MAP3K13: variants seen among roughly 807,000 people sequenced by gnomAD.
MAP3K13 encodes leucine zipper-bearing kinase.
A neutral mutation model predicts 104.0 loss-of-function variants in MAP3K13; 52 were observed. That is an observed-to-expected ratio of 0.50 (90% confidence interval 0.40 to 0.63). The LOEUF is 0.63. Ranked by LOEUF, MAP3K13 falls within the 20% of genes least tolerant of loss-of-function variation. MAP3K13 has a pLI of 0.00. For synonymous variants in MAP3K13, 394 were observed against 442.2 expected, an observed-to-expected ratio of 0.89 and a Z score of 1.37; for missense variants, 914 against 1,218.5, an observed-to-expected ratio of 0.75 and a Z score of 3.72.
chr3:185,394,359 GTTGA>G (rs573900451), intron 1 of MAP3K13, among the ~76,000 whole-genome samples: 112 of 152,276 alleles, frequency 7.4e-4, no homozygotes, highest in African/African-American at 2.6e-3. Flanking sequence ...AAAGAATGAT[GTTGA>G]TTAAGAAGGT....
chr3:185,419,222 G>A (rs576350476), intron 1 of MAP3K13, among the ~76,000 whole-genome samples: 21 of 152,008 alleles, frequency 1.4e-4, no homozygotes, highest in Non-Finnish European at 2.8e-4. Flanking sequence ...GGCTGGTCTC[G>A]AACTCCTGAC....
At chr3:185,291,022 A>G (rs1317692545) in intron 2 of MAP3K13, among the ~76,000 whole-genome samples, 1 of 152,210 alleles carries the variant, frequency 6.6e-6, no homozygotes, top group African/African-American at 2.4e-5. Flanking sequence ...CTTTTGTTGC[A>G]TCATGCACAT....
At chr3:185,455,667 T>TATATGA (rs1716604937) in intron 7 of MAP3K13, among the ~76,000 whole-genome samples, 8 of 20,222 alleles carry the variant, frequency 4.0e-4, no homozygotes, top group Middle Eastern at 0.071. Context: ...GATATATATA[T>TATATGA]GATATATATA....
chr3:185,454,944 GAT>G (rs1264092556), intron 7 of MAP3K13, among the ~76,000 whole-genome samples: 1 of 41,986 alleles, frequency 2.4e-5, no homozygotes, highest in African/African-American at 9.2e-5. Context: ...ATATATATGA[GAT>G]ATATATGATA....
chr3:185,409,281 T>C (rs1487521663), intron 1 of MAP3K13, among the ~76,000 whole-genome samples: 1 of 152,122 alleles, frequency 6.6e-6, no homozygotes, highest in Non-Finnish European at 1.5e-5. Context: ...GGCAGAAGAA[T>C]TGTTTGAACC....
chr3:185,472,834 C>A (rs759983843), intron 10 of MAP3K13, 141 bp from the exon 11 acceptor site: 12 of 768,050 alleles, frequency 1.6e-5, no homozygotes, highest in Middle Eastern at 5.5e-4. Flanking sequence ...ATTTTGAAGA[C>A]CCCTCATACG....
chr3:185,478,701 G>A (rs763986634), intron 12 of MAP3K13, among the ~76,000 whole-genome samples: 7 of 151,878 alleles, frequency 4.6e-5, no homozygotes, highest in East Asian at 1.9e-4. Flanking sequence ...GCGAAACCCC[G>A]TCTCTACTAA....
chr3:185,480,318 C>A lies in MAP3K13; in HGVS notation c.2588C>A (p.Thr863Asn). 5 of 1,614,180 alleles carry A rather than the reference C, an allele frequency of 3.1e-6. No individual in the cohort carries two copies. Among genetic ancestry groups the A allele is most frequent in the Non-Finnish European group, 4.2e-6 (5 of 1,180,036 alleles). The change falls in exon 13 of 14, where the codon ACC becomes AAC. Residue 863 changes from threonine (T) to asparagine (N), a missense_variant. Physicochemically the swap from Thr to Asn is moderately conservative, Grantham distance 65. Coordinates refer to ENST00000265026, the MANE Select transcript of MAP3K13 (RefSeq NM_004721.5). ...GTGTCTGATGGAGAAGAGGGAAATA[C>A]CAGTGACCACTCAAACAGTCCTGAT... is the stretch of plus-strand genomic sequence containing the variant. ...FSVSDGEEGN[T>N]SDHSNSPDEL...
At chr3:185,371,956 G>T (rs937829158) in intron 1 of MAP3K13, among the ~76,000 whole-genome samples, 1 of 152,134 alleles carries the variant, frequency 6.6e-6, no homozygotes, top group African/African-American at 2.4e-5. Context: ...CTGCAGGCTT[G>T]GATAACCATG....
intron 7 of MAP3K13, among the ~76,000 whole-genome samples, chr3:185,456,747 G>A (rs548959732): frequency 4.6e-5 from 7 of 151,834 alleles, no homozygotes; most frequent in African/African-American, 9.7e-5. Context: ...GACTACAGGC[G>A]TGTGCCACCA....
At chr3:185,337,915 T>G (rs1026087739) in intron 2 of MAP3K13, among the ~76,000 whole-genome samples, 1 of 151,926 alleles carries the variant, frequency 6.6e-6, no homozygotes, top group African/African-American at 2.4e-5. Flanking sequence ...TAACACAAAC[T>G]AGGAAACAAG....
intron 2 of MAP3K13, chr3:185,291,626 G>C (rs926311256): frequency 7.2e-6 from 11 of 1,527,946 alleles, no homozygotes; most frequent in Non-Finnish European, 9.6e-6. Context: ...CAAGTACCAC[G>C]TTTTTGAAGA....
intron 2 of MAP3K13, among the ~76,000 whole-genome samples, chr3:185,294,358 G>A (rs1720845624): frequency 6.6e-6 from 1 of 152,166 alleles, no homozygotes; most frequent in Non-Finnish European, 1.5e-5. Context: ...ATTCATTGAT[G>A]AAGAACTAAT....
chr3:185,291,563 A>T (rs1408167462), intron 2 of MAP3K13: 1 of 1,476,508 alleles, frequency 6.8e-7, no homozygotes, highest in Non-Finnish European at 8.9e-7. Context: ...CCCTTAAAAA[A>T]ATTATTAGAC....
chr3:185,461,545 CT>C (rs1717102515), intron 7 of MAP3K13, among the ~76,000 whole-genome samples: 1 of 151,932 alleles, frequency 6.6e-6, no homozygotes, highest in African/African-American at 2.4e-5. Flanking sequence ...GAGCTACTGT[CT>C]TTTATTTTAT....
At chr3:185,388,588 T>C (rs1358477035) in intron 1 of MAP3K13, among the ~76,000 whole-genome samples, 1 of 152,152 alleles carries the variant, frequency 6.6e-6, no homozygotes, top group East Asian at 1.9e-4. Flanking sequence ...GAATTAATAT[T>C]GTTAAAAATG....
In MAP3K13 at chr3:185,425,520, T is replaced by A. The variant is rs556651231; in HGVS notation, c.-85-2977T>A. ...AGGTCCAAGTCATTTCTTTTTGAACTGTACCTTCTAACTGGACCTTTAGTC... is the reference window on the plus strand; with the variant it reads ...AGGTCCAAGTCATTTCTTTTTGAACAGTACCTTCTAACTGGACCTTTAGTC... On this transcript the variant is annotated intron_variant, in intron 1 of 13. Transcript: ENST00000265026. Among the ~76,000 whole-genome samples, 4 of 152,350 alleles carry A rather than the reference T, an allele frequency of 2.6e-5. No individual in the cohort carries two copies. In the South Asian group the frequency reaches 6.2e-4, roughly 24 times the overall value.
rs758526969 is a variant in MAP3K13, at chr3:185,463,575, A to T, written c.1304A>T (p.Lys435Ile). The T allele has an allele frequency of 1.4e-5, 22 of 1,610,152 alleles. No homozygotes were observed. The highest frequency in any genetic ancestry group is 1.8e-5 in the Non-Finnish European group (21 of 1,176,876). ...SQAEWREEVK[K>I]HFEKIKSEGT... ...GCTGAATGGAGAGAAGAAGTGAAAA[A>T]ACATTTTGAGAAGATCAAAAGTGAA... Residue 435 changes from lysine to isoleucine, a missense_variant, in exon 8 of 14, where the codon AAA becomes ATA. Lys to Ile is a moderately radical substitution (Grantham distance 102, BLOSUM62 -3). This residue lies in a region of MAP3K13 where 583 missense variants were observed against 737.4 expected (regional missense o/e 0.79). Coordinates refer to ENST00000265026, the MANE Select transcript of MAP3K13 (RefSeq NM_004721.5).
chr3:185,472,665 T>C (rs946414563), intron 10 of MAP3K13, among the ~76,000 whole-genome samples: 3 of 152,212 alleles, frequency 2.0e-5, no homozygotes, highest in Non-Finnish European at 4.4e-5. Flanking sequence ...GCAGAATTCA[T>C]GTTGCTCTGA....
Sources: gnomAD v4.1 joint callset for allele counts (sites outside exome capture counted in the v4.1 genomes callset) on GRCh38, gnomAD v4.1.1 for gene constraint, gnomAD v4.1.1 regional missense constraint, MANE v1.5 for transcripts, NCBI Gene and HGNC (gene_info 2026-07-23, HGNC 2026-07-21) for gene names.